CHST10: variants seen among roughly 807,000 people sequenced by gnomAD.
The protein encoded by CHST10 is HNK-1 sulfotransferase.
Under a neutral mutation model 34.7 loss-of-function variants are expected in CHST10, and 24 were observed. The ratio of observed to expected loss-of-function variants is 0.69; its 90% CI spans 0.50 to 0.97. The LOEUF is 0.97. Ranked by LOEUF, CHST10 falls within the 50% of genes least tolerant of loss-of-function variation. The pLI is 0.00. For missense variants in CHST10, 402 were observed against 452.1 expected, an observed-to-expected ratio of 0.89 and a Z score of 1.00; for synonymous variants, 161 against 169.3, an observed-to-expected ratio of 0.95 and a Z score of 0.38.
chr2:100,396,599 T>C (rs1675071461), intron 5 of CHST10, among the ~76,000 whole-genome samples: 1 of 152,184 alleles, frequency 6.6e-6, no homozygotes, highest in Non-Finnish European at 1.5e-5. Flanking sequence ...CTGCGGTACA[T>C]GCTATGGATG....
rs184548787 is a variant in CHST10 at position 100,392,709 on chromosome 2, C to T, written c.*536G>A. On this transcript the variant is annotated 3_prime_UTR_variant, in exon 7 of 7. Coordinates refer to ENST00000264249, the MANE Select transcript of CHST10 (RefSeq NM_004854.5). ...AAGAATGCTTTGCCTCCACAATTGT[C>T]GCAGCACCAAGATGAAGGCCAGAGG... 3.0e-3 allele frequency: 489 copies of T among 160,922 alleles called. 2 individuals carry two copies. The highest frequency in any genetic ancestry group is 5.1e-3 in the Admixed American group (90 of 17,506). 10.0% of individuals were successfully genotyped at this position (160,922 alleles called of 1,614,324 possible). A position where few individuals can be genotyped will look rare whatever the true frequency, so the allele number is the denominator to read the frequency against.
chr2:100,409,876 G>C (rs1675749849), intron 2 of CHST10, among the ~76,000 whole-genome samples: 1 of 152,172 alleles, frequency 6.6e-6, no homozygotes. Flanking sequence ...TATACAGAGA[G>C]TCCCTTCCCT....
chr2:100,411,485 C>CT (rs1675840019), intron 2 of CHST10, among the ~76,000 whole-genome samples: 1 of 152,210 alleles, frequency 6.6e-6, no homozygotes, highest in Non-Finnish European at 1.5e-5. Flanking sequence ...ACCAGTAAGA[C>CT]TACAGCCCAG....
chr2:100,415,900 T>A (rs929862191), intron 1 of CHST10: 4 of 152,276 alleles, frequency 2.6e-5, no homozygotes, highest in African/African-American at 9.6e-5. Context: ...ACCTAGGCTA[T>A]ATGGAATCAT....
intron 2 of CHST10, among the ~76,000 whole-genome samples, chr2:100,412,587 G>C (rs1675891385): frequency 6.6e-6 from 1 of 152,116 alleles, no homozygotes; most frequent in Non-Finnish European, 1.5e-5. Flanking sequence ...AGAATTGCTG[G>C]TCCAGGACCT....
rs1313416579 is a variant in CHST10 at position 100,393,367 on chromosome 2, T to C, written c.949A>G (p.Arg317Gly). Residue 317 changes from arginine to glycine, a missense_variant, in exon 7 of 7, where the codon AGA becomes GGA. Coordinates refer to ENST00000264249, the MANE Select transcript of CHST10 (RefSeq NM_004854.5). The stretch of plus-strand genomic sequence containing the variant: ...AGGAAATAGTGCTCCACCTTGGTTC[T>C]GTTATACACGGTAATGCCCGGAGGG... Reference protein sequence around the residue: ...TIPPGITVYNRTKVEHYFLGI... With the variant: ...TIPPGITVYNGTKVEHYFLGI... 3.1e-6 allele frequency: 5 copies of C among 1,614,092 alleles called. No homozygotes were observed. Among genetic ancestry groups the C allele is most frequent in the Non-Finnish European group, 4.2e-6 (5 of 1,180,044 alleles).
rs12478503 is a variant in CHST10 at position 100,398,162 on chromosome 2, G to A, written c.193-20C>T. 0.031 allele frequency: 48,799 copies of A among 1,586,584 alleles called. 985 individuals are homozygous for A. Among genetic ancestry groups the A allele is most frequent in the Admixed American group, 0.088 (5,176 of 58,582 alleles). ...AGTTGGCTGCAGGTGACACAGAGCA[G>A]AAGAGGCCCAGGGACCATTAAAGGA... On this transcript the variant is annotated intron_variant, in intron 4 of 6. Transcript: ENST00000264249.
intron 1 of CHST10, chr2:100,416,387 T>G (rs1242157522): frequency 6.6e-6 from 1 of 152,288 alleles, no homozygotes; most frequent in Non-Finnish European, 1.5e-5. Context: ...TTCTTTGAGA[T>G]TCTATTCTTC....
intron 4 of CHST10, among the ~76,000 whole-genome samples, chr2:100,400,953 T>A (rs2104342136): frequency 6.6e-6 from 1 of 152,354 alleles, no homozygotes; most frequent in East Asian, 1.9e-4. Context: ...AGTGCTGGGA[T>A]AACAGGAGTG....
In CHST10 at chr2:100,393,291, T is replaced by C; in HGVS notation, c.1025A>G (p.Asp342Gly). 1.2e-6 allele frequency: 2 copies of C among 1,614,132 alleles called. No individual in the cohort carries two copies. Among genetic ancestry groups the C allele is most frequent in the Non-Finnish European group, 1.7e-6 (2 of 1,180,022 alleles). Reference protein sequence around the residue: ...IRRLYARFEGDFKLFGYQKPD... With the variant: ...IRRLYARFEGGFKLFGYQKPD... ...TTTCTGGTACCCAAAGAGCTTAAAG[T>C]CCCCTTCGAAACGGGCATACAGGCG... Residue 342 changes from aspartate (D) to glycine (G), a missense_variant, in exon 7 of 7, where the codon GAC (aspartate) becomes GGC (glycine). By Grantham distance (94) the Asp-to-Gly change is moderately conservative. Coordinates refer to ENST00000264249, the MANE Select transcript of CHST10 (RefSeq NM_004854.5).
intron 3 of CHST10, among the ~76,000 whole-genome samples, chr2:100,404,811 T>C (rs1675500274): frequency 6.6e-6 from 1 of 152,218 alleles, no homozygotes; most frequent in African/African-American, 2.4e-5. Flanking sequence ...TTAAGCAAAA[T>C]AAACCATAAA....
In CHST10 at chr2:100,393,151, G is replaced by A; in HGVS notation, c.*94C>T. ...GAGACCCCGGGCGTCCTCAAAGGAG[G>A]GGTGTGGTGGAGGAAGGGTCATTTC... On this transcript the variant is annotated 3_prime_UTR_variant, in exon 7 of 7. Transcript: ENST00000264249. The A allele has an allele frequency of 7.3e-7, 1 of 1,369,270 alleles. No individual in the cohort carries two copies. The highest frequency in any genetic ancestry group is 1.3e-5 in the South Asian group (1 of 75,034). 84.8% of individuals were successfully genotyped at this position (1,369,270 alleles called of 1,614,324 possible).
chr2:100,404,572 G>A (rs1457707764), intron 3 of CHST10, among the ~76,000 whole-genome samples: 5 of 151,976 alleles, frequency 3.3e-5, no homozygotes, highest in African/African-American at 7.2e-5. Context: ...TTTTCTAACC[G>A]GGCCTACCCC....
At position 100,402,793 on chromosome 2, in the gene CHST10, G is replaced by A. The variant is rs1021568332; in HGVS notation, c.101-138C>T. On this transcript the variant is annotated intron_variant, in intron 3 of 6. Transcript: ENST00000264249. ...GACAAAGCCATAAAAGCCATTCAGC[G>A]GAGGAGGGCAGTCTGTCCAACAAAT... The A allele has an allele frequency of 5.5e-5, 37 of 667,530 alleles. No individual in the cohort carries two copies. In the Middle Eastern group the frequency reaches 8.2e-4, roughly 15 times the overall value. The allele number at this position is 667,530 out of a possible 1,614,324, so 41.4% of individuals were successfully genotyped here.
intron 4 of CHST10, among the ~76,000 whole-genome samples, chr2:100,402,188 G>A (rs1233905757): frequency 6.6e-6 from 1 of 152,168 alleles, no homozygotes; most frequent in Non-Finnish European, 1.5e-5. Flanking sequence ...TTGTTCTGCT[G>A]TCCAGGGCCC....
At chr2:100,409,586 T>G (rs186777205) in intron 2 of CHST10, among the ~76,000 whole-genome samples, 72 of 151,906 alleles carry the variant, frequency 4.7e-4, no homozygotes, top group Middle Eastern at 3.4e-3. Flanking sequence ...GCACTCACCG[T>G]CTCCGTAGCT....
chr2:100,409,991 G>T (rs1675758126), intron 2 of CHST10, among the ~76,000 whole-genome samples: 1 of 152,122 alleles, frequency 6.6e-6, no homozygotes, highest in African/African-American at 2.4e-5. Flanking sequence ...GACACGTGGA[G>T]ACTCCAGTGG....
At chr2:100,393,886 C>T in intron 6 of CHST10, 104 bp from the exon 7 acceptor site, 10 of 851,910 alleles carry the variant, frequency 1.2e-5, no homozygotes, top group Non-Finnish European at 1.8e-5. Context: ...GTGTATGGGA[C>T]CCTCACGTGC....
At chr2:100,416,743 T>C in intron 1 of CHST10, 1 of 349,404 alleles carries the variant, frequency 2.9e-6, no homozygotes, top group Non-Finnish European at 5.7e-6. Context: ...GTCCTGCCGC[T>C]GAGCTAACCA....
Sources: gnomAD v4.1 joint callset for allele counts (sites outside exome capture counted in the v4.1 genomes callset) on GRCh38, gnomAD v4.1.1 for gene constraint, MANE v1.5 for transcripts, NCBI Gene and HGNC (gene_info 2026-07-23, HGNC 2026-07-21) for gene names.